ANK2: variants seen among roughly 807,000 people sequenced by gnomAD.
The protein encoded by ANK2 is ankyrin 2, also known as ankyrin-2.
A neutral mutation model predicts 360.5 loss-of-function variants in ANK2; 83 were observed. The ratio of observed to expected loss-of-function variants is 0.23; its 90% CI spans 0.19 to 0.28. The LOEUF (loss-of-function observed/expected upper bound fraction) is 0.28. Ranked by LOEUF, ANK2 falls within the 10% of genes least tolerant of loss-of-function variation. The probability of loss-of-function intolerance (pLI) is 1.00; values close to 1 mark genes in which losing one functional copy is unlikely to be tolerated. For synonymous variants in ANK2, 1,740 were observed against 1,759.5 expected (o/e 0.99, Z 0.28); for missense variants, 4,201 against 4,795.7 (o/e 0.88, Z 3.66).
At chr4:113,278,615 C>T (rs2153701718) in intron 17 of ANK2, 57 bp downstream of exon 17, 2 of 1,533,862 alleles carry the variant, frequency 1.3e-6, no homozygotes, top group Non-Finnish European at 1.8e-6. Flanking sequence ...CCTGAAAACA[C>T]ATGAGAATTG....
chr4:112,749,150 TCGGC>T, the ANK2 span, among the ~76,000 whole-genome samples: 2 of 152,206 alleles, frequency 1.3e-5, no homozygotes, highest in African/African-American at 4.8e-5. Flanking sequence ...TCCACCCGCC[TCGGC>T]CTCCCACAGT....
Position 113,381,599 on chromosome 4 carries a change from C to G in ANK2, c.*128C>G. On this transcript the variant is annotated 3_prime_UTR_variant, in exon 46 of 46. Transcript: ENST00000357077. ...CCAGCGCGATCTCCAGCAGCTCCTT[C>G]GGCATTTCTGCAAGGAGGACTTGAA... 6.3e-7 allele frequency: 1 copy of G among 1,579,132 alleles called. No individual in the cohort carries two copies. Among genetic ancestry groups the G allele is most frequent in the Non-Finnish European group, 8.6e-7 (1 of 1,160,012 alleles).
At chr4:112,773,163 A>G in the ANK2 span, among the ~76,000 whole-genome samples, 2 of 152,082 alleles carry the variant, frequency 1.3e-5, no homozygotes, top group African/African-American at 4.8e-5. Context: ...AAAAAAATGC[A>G]AAAATTAGCC....
At chr4:112,987,390 C>A (rs1245531972) in intron 2 of ANK2, among the ~76,000 whole-genome samples, 1 of 152,176 alleles carries the variant, frequency 6.6e-6, no homozygotes, top group Admixed American at 6.5e-5. Flanking sequence ...CAAACAACAA[C>A]CCTTTAATCT....
chr4:112,761,685 A>G, the ANK2 span, among the ~76,000 whole-genome samples: 9 of 152,244 alleles, frequency 5.9e-5, no homozygotes, highest in Admixed American at 4.6e-4. Flanking sequence ...GTGCAAAGAC[A>G]GTGCTTGGAA....
chr4:113,236,893 C>A, intron 5 of ANK2, 94 bp from the exon 6 acceptor site: 1 of 1,284,354 alleles, frequency 7.8e-7, no homozygotes, highest in Non-Finnish European at 1.1e-6. Flanking sequence ...GGTTGTCAAT[C>A]TTGATCATTA....
the ANK2 span, among the ~76,000 whole-genome samples, chr4:112,711,624 A>C: frequency 6.6e-6 from 1 of 151,860 alleles, no homozygotes; most frequent in Non-Finnish European, 1.5e-5. Context: ...CGAGACCAGC[A>C]TGACTAACAT....
chr4:113,269,613 T>A (rs913629349), intron 14 of ANK2, among the ~76,000 whole-genome samples: 5 of 152,334 alleles, frequency 3.3e-5, no homozygotes, highest in African/African-American at 1.2e-4. Flanking sequence ...ACCCACTGTC[T>A]AACCAATCCC....
At chr4:113,165,455 C>T (rs1329948618) in intron 1 of ANK2, among the ~76,000 whole-genome samples, 1 of 152,208 alleles carries the variant, frequency 6.6e-6, no homozygotes, top group Non-Finnish European at 1.5e-5. Flanking sequence ...CCATAATAGT[C>T]AACATAGGAC....
intron 11 of ANK2, among the ~76,000 whole-genome samples, chr4:113,256,671 A>G (rs1017236479): frequency 6.6e-6 from 1 of 152,236 alleles, no homozygotes; most frequent in Admixed American, 6.5e-5. Flanking sequence ...AACTAAAAGT[A>G]AATCCTTTTT....
At chr4:113,336,281 T>C (rs1196650161) in intron 30 of ANK2, 1 of 565,940 alleles carries the variant, frequency 1.8e-6, no homozygotes, top group Admixed American at 3.5e-5. Flanking sequence ...GCTACAAATG[T>C]TTTCTTCTTG....
At chr4:112,958,159 C>A (rs1209909593) in intron 2 of ANK2, among the ~76,000 whole-genome samples, 1 of 151,972 alleles carries the variant, frequency 6.6e-6, no homozygotes, top group Non-Finnish European at 1.5e-5. Context: ...GATGGGCGGC[C>A]AGGCAGAGAG....
At chr4:113,146,675 AT>A (rs34395279) in intron 1 of ANK2, among the ~76,000 whole-genome samples, 32,068 of 146,220 alleles carry the variant, frequency 0.22, 4,992 homozygotes, top group East Asian at 0.57. Context: ...GCTTATTGTG[AT>A]TTTTTTTTTT....
intron 2 of ANK2, among the ~76,000 whole-genome samples, chr4:112,912,636 G>A (rs2088052111): frequency 6.6e-6 from 1 of 152,012 alleles, no homozygotes; most frequent in Non-Finnish European, 1.5e-5. Flanking sequence ...CCACACTATG[G>A]TTTCTAGAAG....
intron 2 of ANK2, among the ~76,000 whole-genome samples, chr4:112,915,773 T>TAAAAA (rs1317303700): frequency 6.6e-6 from 1 of 150,576 alleles, no homozygotes; most frequent in African/African-American, 2.5e-5. Flanking sequence ...AATAAATAAA[T>TAAAAA]AAATAAATAA....
At chr4:112,854,032 A>G (rs547525570) in intron 1 of ANK2, among the ~76,000 whole-genome samples, 58 of 152,340 alleles carry the variant, frequency 3.8e-4, no homozygotes, top group Non-Finnish European at 7.2e-4. Context: ...GTATAGGGAG[A>G]TGTACCTGTA....
At position 113,317,751 on chromosome 4, in the gene ANK2, C is replaced by A; in HGVS notation, c.2738C>A (p.Ala913Asp). Reference protein sequence around the residue: ...SSDRSHTLSHASYLRDSAVMD... With the variant: ...SSDRSHTLSHDSYLRDSAVMD... The stretch of plus-strand genomic sequence containing the variant: ...GACAGGTCTCACACTCTGAGCCATG[C>A]CTCCTACCTGAGGGACAGTGCCGTG... The change falls in exon 25 of 46, where the codon GCC becomes GAC. Residue 913 changes from alanine to aspartate, a missense_variant. Physicochemically the swap from Ala to Asp is moderately radical, Grantham distance 126. Around this residue, in one of 4 missense-constraint regions of ANK2, gnomAD observed 1,268 missense variants for 1,650.8 expected, o/e 0.77. Coordinates refer to ENST00000357077, the MANE Select transcript of ANK2 (RefSeq NM_001148.6). The A allele has an allele frequency of 6.2e-7, 1 of 1,614,148 alleles. No homozygotes were observed. Among genetic ancestry groups the A allele is most frequent in the Non-Finnish European group, 8.5e-7 (1 of 1,180,008 alleles).
intron 2 of ANK2, among the ~76,000 whole-genome samples, chr4:113,008,036 G>C (rs2053495508): frequency 6.6e-6 from 1 of 150,910 alleles, no homozygotes; most frequent in South Asian, 2.1e-4. Flanking sequence ...CCTGTAGTGT[G>C]TTAATTCTTA....
intron 2 of ANK2, among the ~76,000 whole-genome samples, chr4:112,913,683 A>C (rs2088595694): frequency 1.3e-5 from 2 of 152,318 alleles, no homozygotes; most frequent in African/African-American, 2.4e-5. Context: ...CCTCATCTAT[A>C]AACTTGTTAG....
Sources: allele counts gnomAD v4.1 joint callset (sites outside exome capture counted in the v4.1 genomes callset), GRCh38; gene constraint gnomAD v4.1.1; regional missense constraint gnomAD v4.1.1; transcripts MANE v1.5; gene names NCBI Gene and HGNC (gene_info 2026-07-23, HGNC 2026-07-21).